USH2A: variants seen among roughly 807,000 people sequenced by gnomAD.
USH2A encodes Usher syndrome 2A (autosomal recessive, mild).
Under a neutral mutation model 538.9 loss-of-function variants are expected in USH2A, and 443 were observed. That is an observed-to-expected ratio of 0.82 (90% CI 0.76 to 0.89). The LOEUF (loss-of-function observed/expected upper bound fraction) is 0.89, where lower values mean the gene tolerates loss of function less well. Among genes scored for constraint, USH2A ranks in the 40% least tolerant of loss-of-function variants. The pLI, the probability that USH2A is intolerant of heterozygous loss-of-function variation, is 0.00. For synonymous variants in USH2A, 2,413 were observed against 2,273.5 expected (o/e 1.06, Z -1.75); for missense variants, 6,633 against 6,324.8 (o/e 1.05, Z -1.65).
chr1:215,675,046 C>T lies in USH2A; in HGVS notation c.12865G>A (p.Glu4289Lys). 1 of 1,614,120 alleles carries T rather than the reference C, an allele frequency of 6.2e-7. No homozygotes were observed. Among genetic ancestry groups the T allele is most frequent in the Non-Finnish European group, 8.5e-7 (1 of 1,180,016 alleles). The change falls in exon 63 of 72, where the codon GAA becomes AAA. Residue 4289 changes from glutamate to lysine, a missense_variant. By Grantham distance (56) the Glu-to-Lys change is moderately conservative. Coordinates refer to ENST00000307340, the MANE Select transcript of USH2A (RefSeq NM_206933.4). ...QKLLISWIPPEQSNGIIQSYR... is the reference protein window; with the variant it reads ...QKLLISWIPPKQSNGIIQSYR... ...GACTGGATAATACCATTAGACTGTTCTGGTGGGATCCAGGAAATCAGCAGT... is the reference window on the plus strand; with the variant it reads ...GACTGGATAATACCATTAGACTGTTTTGGTGGGATCCAGGAAATCAGCAGT...
chr1:216,265,584 T>TA (rs1372083330), intron 11 of USH2A, among the ~76,000 whole-genome samples: 1 of 151,826 alleles, frequency 6.6e-6, no homozygotes, highest in Non-Finnish European at 1.5e-5. Context: ...ATAGCTAAGA[T>TA]ATAGAATCAA....
chr1:215,799,118 T>C lies in USH2A; in HGVS notation c.9747A>G (p.Val3249=), dbSNP rs754904571. The C allele has an allele frequency of 2.5e-6, 4 of 1,613,592 alleles. No homozygotes were observed. Among genetic ancestry groups the C allele is most frequent in the Admixed American group, 1.7e-5 (1 of 59,924 alleles). Residue 3249 remains valine, a synonymous_variant, in exon 50 of 72, where the codon GTA becomes GTG. Coordinates refer to ENST00000307340, the MANE Select transcript of USH2A (RefSeq NM_206933.4). ...GATTGTGCTGTTCATCTGGACAGCA[T>C]ACTTCACCTGTCAATTTAGGACAAT... ...GYYARILPGE[V]CCPDEQHNRV...
intron 13 of USH2A, among the ~76,000 whole-genome samples, chr1:216,245,190 T>TAA: frequency 6.6e-6 from 1 of 152,244 alleles, no homozygotes; most frequent in East Asian, 1.9e-4. Context: ...ATAATCTTCC[T>TAA]GTCTTCTGGG....
At chr1:215,762,638 T>C (rs1473596630) in intron 56 of USH2A, among the ~76,000 whole-genome samples, 2 of 152,164 alleles carry the variant, frequency 1.3e-5, no homozygotes, top group Non-Finnish European at 2.9e-5. Context: ...AAGAAATCTT[T>C]GCTAGAGTAA....
At chr1:215,902,561 A>G (rs1665530038) in intron 38 of USH2A, among the ~76,000 whole-genome samples, 12 of 152,178 alleles carry the variant, frequency 7.9e-5, no homozygotes. Flanking sequence ...TGTGTATACA[A>G]TAATACCAGG....
chr1:215,643,496 C>T (rs888262499), intron 67 of USH2A, among the ~76,000 whole-genome samples: 4 of 150,874 alleles, frequency 2.7e-5, no homozygotes, highest in African/African-American at 9.7e-5. Context: ...GCTGCTTCTC[C>T]AATATAAAAA....
At chr1:215,915,323 A>T (rs755789636) in intron 38 of USH2A, among the ~76,000 whole-genome samples, 1 of 152,108 alleles carries the variant, frequency 6.6e-6, no homozygotes, top group Non-Finnish European at 1.5e-5. Context: ...TCCCCATCCA[A>T]CACACAGGAA....
At chr1:216,015,812 A>G (rs1281990424) in intron 32 of USH2A, among the ~76,000 whole-genome samples, 1 of 152,154 alleles carries the variant, frequency 6.6e-6, no homozygotes, top group Admixed American at 6.5e-5. Flanking sequence ...AGAACTAGAA[A>G]TACCACTTGA....
At chr1:216,028,829 TGCTGA>T (rs1489346809) in intron 32 of USH2A, among the ~76,000 whole-genome samples, 2 of 152,060 alleles carry the variant, frequency 1.3e-5, no homozygotes, top group Non-Finnish European at 2.9e-5. Flanking sequence ...CATAAAAGAA[TGCTGA>T]GCAAGCAATT....
intron 3 of USH2A, among the ~76,000 whole-genome samples, chr1:216,373,418 C>G (rs547259986): frequency 6.6e-6 from 1 of 152,258 alleles, no homozygotes; most frequent in African/African-American, 2.4e-5. Flanking sequence ...TCCATTTTCT[C>G]TTTTCCCATT....
At chr1:215,831,129 A>T (rs1215288596) in intron 47 of USH2A, among the ~76,000 whole-genome samples, 1 of 152,194 alleles carries the variant, frequency 6.6e-6, no homozygotes, top group African/African-American at 2.4e-5. Context: ...AGGGCTTATC[A>T]CATAATGATA....
intron 11 of USH2A, among the ~76,000 whole-genome samples, chr1:216,269,799 C>A (rs1397238462): frequency 6.6e-6 from 1 of 152,118 alleles, no homozygotes; most frequent in African/African-American, 2.4e-5. Context: ...CTGGCCTAGG[C>A]TCTGGAGCAA....
intron 21 of USH2A, among the ~76,000 whole-genome samples, chr1:216,112,185 C>T (rs2032891623): frequency 6.6e-6 from 1 of 152,034 alleles, no homozygotes; most frequent in Admixed American, 6.6e-5. Flanking sequence ...TGGAATGAAT[C>T]CCCAAACATT....
chr1:215,773,008 A>G (rs1221729730), intron 55 of USH2A, among the ~76,000 whole-genome samples: 1 of 152,222 alleles, frequency 6.6e-6, no homozygotes, highest in East Asian at 1.9e-4. Context: ...TCGGCTGCTC[A>G]CATTCAGTCC....
intron 38 of USH2A, among the ~76,000 whole-genome samples, chr1:215,914,068 C>CTTTTTTTTTTTTTTTTTTTTTTTTTTT (rs11366554): frequency 1.1e-5 from 1 of 92,006 alleles, no homozygotes; most frequent in Non-Finnish European, 2.1e-5. Flanking sequence ...AAGCAACAGA[C>CTTTTTTTTTTTTTTTTTTTTTTTTTTT]TTTTTTTTTT....
At chr1:215,774,716 G>A (rs1257615954) in intron 55 of USH2A, among the ~76,000 whole-genome samples, 1 of 151,958 alleles carries the variant, frequency 6.6e-6, no homozygotes, top group African/African-American at 2.4e-5. Context: ...AGGGAAGGGG[G>A]TGGCCAGAAC....
intron 32 of USH2A, among the ~76,000 whole-genome samples, chr1:216,013,560 G>A (rs558597468): frequency 8.2e-4 from 124 of 152,076 alleles, no homozygotes; most frequent in African/African-American, 2.6e-3. Flanking sequence ...ATTCCACCAC[G>A]AAAGAAGTGA....
At chr1:216,392,380 G>T (rs1258904733) in intron 3 of USH2A, among the ~76,000 whole-genome samples, 2 of 150,476 alleles carry the variant, frequency 1.3e-5, no homozygotes, top group Non-Finnish European at 3.0e-5. Context: ...GGCGCCTGTA[G>T]TCCCGGGAGG....
chr1:216,392,321 A>C (rs2102747983), intron 3 of USH2A, among the ~76,000 whole-genome samples: 1 of 151,950 alleles, frequency 6.6e-6, no homozygotes, highest in Middle Eastern at 3.4e-3. Flanking sequence ...ACACGGTGAA[A>C]CCCTGTCTCT....
Sources: allele counts gnomAD v4.1 joint callset (sites outside exome capture counted in the v4.1 genomes callset), GRCh38; gene constraint gnomAD v4.1.1; transcripts MANE v1.5; gene names NCBI Gene and HGNC (gene_info 2026-07-23, HGNC 2026-07-21).